Variants in SOD2 observed in about 807,000 individuals in gnomAD.
SOD2 encodes the protein superoxide dismutase 2.
Under a neutral mutation model 27.0 loss-of-function variants are expected in SOD2, and 11 were observed. That is an observed-to-expected ratio of 0.41 (90% CI 0.26 to 0.67). The LOEUF is 0.67. SOD2 is among the 30% of genes least tolerant of loss of function. SOD2 has a pLI of 0.34. For missense variants in SOD2, 250 were observed against 274.5 expected (o/e 0.91, Z 0.63); for synonymous variants, 105 against 103.0 (o/e 1.02, Z -0.12).
At chr6:159,753,077 G>T (rs1779879004) in intron 1 of SOD2, among the ~76,000 whole-genome samples, 1 of 152,128 alleles carries the variant, frequency 6.6e-6, no homozygotes, top group Non-Finnish European at 1.5e-5. Flanking sequence ...ACCTTTTCAA[G>T]AACTTTTCTG....
chr6:159,695,608 C>T (rs2758348), upstream of SOD2, among the ~76,000 whole-genome samples: 35,710 of 152,128 alleles, frequency 0.23, 4,454 homozygotes, highest in Admixed American at 0.28. Flanking sequence ...CATTCTTCCA[C>T]CTCAGCCTCC....
intron 1 of SOD2, among the ~76,000 whole-genome samples, chr6:159,757,703 G>A (rs935281810): frequency 7.9e-5 from 12 of 152,078 alleles, no homozygotes; most frequent in South Asian, 2.1e-4. Flanking sequence ...GAGCCACCGC[G>A]CCCAACCTTG....
chr6:159,755,657 G>A, intron 1 of SOD2: 1 of 1,499,522 alleles, frequency 6.7e-7, no homozygotes, highest in Non-Finnish European at 8.9e-7. Context: ...ATTTGGGAGA[G>A]GATACTGTCC....
At chr6:159,748,827 G>A (rs758217147), upstream of SOD2, 355 of 1,226,404 alleles carry the variant, frequency 2.9e-4, no homozygotes, top group Non-Finnish European at 3.3e-4. This position sits in a 1 kb window ranked among gnomAD's most constrained non-coding sequence, Gnocchi z 5.6. Context: ...AATATGCATC[G>A]CTCTTAACCT....
rs542117778 is a variant in SOD2 at position 159,719,765 on chromosome 6, C to G, written c.-116+7364G>C. 1.1e-3 allele frequency among the ~76,000 whole-genome samples: 169 copies of G among 150,194 alleles called. 2 individuals are homozygous for G. The South Asian group carries it at 0.033, about 29-fold the overall frequency. ...TTTTGAGAGAGTCTTATTCTGTCCC[C>G]CAGGTTGGAGTGCAGTCACGCGATC... On this transcript the variant is annotated intron_variant, in intron 1 of 2. Transcript: ENST00000401980.
At chr6:159,750,698 A>G (rs1307345182) in intron 1 of SOD2, among the ~76,000 whole-genome samples, 2 of 152,214 alleles carry the variant, frequency 1.3e-5, no homozygotes, top group African/African-American at 4.8e-5. Flanking sequence ...TAATGCTTAC[A>G]TAGTATATTT....
At chr6:159,759,064 T>A (rs143493272) in intron 1 of SOD2, among the ~76,000 whole-genome samples, 126 of 126,250 alleles carry the variant, frequency 1.0e-3, no homozygotes, top group Non-Finnish European at 1.6e-3. Flanking sequence ...ATTTTATTTC[T>A]TTTTTTTTTT....
In SOD2 at chr6:159,676,021, G is replaced by A. The variant is rs976144733; in HGVS notation, c.*6472C>T. ...ATGCTCATCATCATGGGCCATCAGA[G>A]AAATGCAAATCAAAACCACAATGAG... On this transcript the variant is annotated 3_prime_UTR_variant, in exon 5 of 5. Coordinates refer to ENST00000538183, the MANE Select transcript of SOD2 (RefSeq NM_000636.4). 1 of 152,200 alleles carries A rather than the reference G, an allele frequency of 6.6e-6. No homozygotes were observed. The highest frequency in any genetic ancestry group is 2.4e-5 in the African/African-American group (1 of 41,432). The allele number at this position is 152,200 out of a possible 1,614,324, so 9.4% of individuals were successfully genotyped here.
upstream of SOD2, among the ~76,000 whole-genome samples, chr6:159,696,097 C>G (rs190174981): frequency 3.3e-5 from 5 of 152,300 alleles, no homozygotes; most frequent in East Asian, 9.6e-4. Flanking sequence ...GATCCAACCA[C>G]AGTTTCTTAA....
At chr6:159,721,485 C>T (rs796822188) in intron 1 of SOD2, among the ~76,000 whole-genome samples, 70 of 152,312 alleles carry the variant, frequency 4.6e-4, no homozygotes, top group African/African-American at 1.7e-3. Flanking sequence ...TCTCCTGCCT[C>T]AGCCTCCTGA....
chr6:159,726,735 A>C lies in SOD2; in HGVS notation c.-116+394T>G, dbSNP rs1031241992. 8 of 1,279,698 alleles carry C rather than the reference A, an allele frequency of 6.3e-6. No homozygotes were observed. The Admixed American group carries it at 1.9e-4, about 30-fold the overall frequency. 79.3% of individuals were successfully genotyped at this position (1,279,698 alleles called of 1,614,324 possible). On this transcript the variant is annotated intron_variant, in intron 1 of 2. Coordinates refer to the SOD2 transcript ENST00000401980. ...AGCGCAACCTCCGACGCCAGAGAAC[A>C]ATAGCTCCTCGATGCGTCTCCAGAG...
At chr6:159,719,152 A>T (rs1777980441) in intron 1 of SOD2, among the ~76,000 whole-genome samples, 1 of 152,068 alleles carries the variant, frequency 6.6e-6, no homozygotes, top group Non-Finnish European at 1.5e-5. Flanking sequence ...TCATGAAGGT[A>T]GGGCCTTCAT....
intron 1 of SOD2, chr6:159,755,777 T>C (rs1779990588): frequency 1.9e-6 from 2 of 1,039,718 alleles, no homozygotes; most frequent in Non-Finnish European, 2.5e-6. Context: ...TTTTTTTTTT[T>C]TTTTTTTTTT....
intron 1 of SOD2, among the ~76,000 whole-genome samples, chr6:159,734,397 G>A (rs1321995654): frequency 6.7e-6 from 1 of 149,744 alleles, no homozygotes; most frequent in East Asian, 1.9e-4. Context: ...AAAAAATTCA[G>A]TTTAACATAC....
rs1255933495 is a variant in SOD2, at chr6:159,673,883, C to G, written c.*8610G>C. 6.6e-6 allele frequency: 1 copy of G among 152,020 alleles called. No homozygotes were observed. Among genetic ancestry groups the G allele is most frequent in the Admixed American group, 6.6e-5 (1 of 15,256 alleles). The allele number at this position is 152,020 out of a possible 1,614,324, so 9.4% of individuals were successfully genotyped here. On this transcript the variant is annotated 3_prime_UTR_variant, in exon 5 of 5. Coordinates refer to ENST00000538183, the MANE Select transcript of SOD2 (RefSeq NM_000636.4). ...AATAAACAAGAAAAGAGAGAAGAATCAAATAAATGCAATAAAAAATGATAA... is the reference window on the plus strand; with the variant it reads ...AATAAACAAGAAAAGAGAGAAGAATGAAATAAATGCAATAAAAAATGATAA...
intron 2 of SOD2, among the ~76,000 whole-genome samples, chr6:159,688,552 G>C (rs1780301899): frequency 6.6e-6 from 1 of 152,140 alleles, no homozygotes; most frequent in South Asian, 2.1e-4. Context: ...ATAATAGAAT[G>C]CTAAAATGTA....
chr6:159,729,160 G>A (rs923082213), upstream of SOD2, among the ~76,000 whole-genome samples: 2 of 152,156 alleles, frequency 1.3e-5, no homozygotes, highest in African/African-American at 4.8e-5. Context: ...GTCTCTTATG[G>A]TCTTGTATGT....
chr6:159,712,445 C>T (rs541227434), intron 1 of SOD2, among the ~76,000 whole-genome samples: 14 of 41,700 alleles, frequency 3.4e-4, no homozygotes, highest in East Asian at 1.9e-3. Flanking sequence ...ACCACTCACA[C>T]TGCTCAGACC....
chr6:159,685,039 A>C lies in SOD2; in HGVS notation c.344-6T>G. 7.6e-7 allele frequency: 1 copy of C among 1,309,846 alleles called. No homozygotes were observed. The highest frequency in any genetic ancestry group is 1.0e-6 in the Non-Finnish European group (1 of 987,014). 81.1% of individuals were successfully genotyped at this position (1,309,846 alleles called of 1,614,324 possible). On this transcript the variant is annotated splice_polypyrimidine_tract_variant and splice_region_variant and intron_variant, in intron 3 of 4. Coordinates refer to ENST00000538183, the MANE Select transcript of SOD2 (RefSeq NM_000636.4). ...GATGGCTTCCAGCAACTCCCCTATT[A>C]AAAAAAAAATCCAAAACCACCCACA...
Sources: gnomAD v4.1 joint callset for allele counts (sites outside exome capture counted in the v4.1 genomes callset) on GRCh38, gnomAD v4.1.1 for gene constraint, Gnocchi (gnomAD v3.1) non-coding constraint, MANE v1.5 for transcripts, NCBI Gene and HGNC (gene_info 2026-07-23, HGNC 2026-07-21) for gene names.